The following GABRB1 variants were observed in gnomAD, a reference collection of about 807,000 sequenced individuals.
The protein encoded by GABRB1 is gamma-aminobutyric acid receptor subunit beta-1.
Under a neutral mutation model 51.6 loss-of-function variants are expected in GABRB1, and 17 were observed. The ratio of observed to expected loss-of-function variants is 0.33; its 90% CI spans 0.23 to 0.49. GABRB1 has a LOEUF of 0.49. Among genes scored for constraint, GABRB1 ranks in the 20% least tolerant of loss-of-function variants. GABRB1 has a pLI of 0.99. For synonymous variants in GABRB1, 247 were observed against 218.9 expected (o/e 1.13, Z -1.14); for missense variants, 410 against 600.6 (o/e 0.68, Z 3.32).
At chr4:47,351,389 T>C (rs1180019241) in intron 5 of GABRB1, among the ~76,000 whole-genome samples, 3 of 152,170 alleles carry the variant, frequency 2.0e-5, no homozygotes, top group Non-Finnish European at 4.4e-5. Context: ...TGTTTTTAAT[T>C]TCACCATAGA....
At chr4:47,088,648 G>A (rs1194956119) in intron 3 of GABRB1, among the ~76,000 whole-genome samples, 4 of 152,132 alleles carry the variant, frequency 2.6e-5, no homozygotes, top group African/African-American at 9.7e-5. Flanking sequence ...CATTGAGAAG[G>A]CCAGCTTACA....
At chr4:47,078,820 T>TA (rs1037708432) in intron 3 of GABRB1, among the ~76,000 whole-genome samples, 1 of 152,224 alleles carries the variant, frequency 6.6e-6, no homozygotes, top group Non-Finnish European at 1.5e-5. Flanking sequence ...CGATTTTTTT[T>TA]ATCCTCCAAT....
At position 47,269,848 on chromosome 4, in the gene GABRB1, A is replaced by G. The variant is rs575660902; in HGVS notation, c.462-50279A>G. On this transcript the variant is annotated intron_variant, in intron 4 of 8. Coordinates refer to ENST00000295454, the MANE Select transcript of GABRB1 (RefSeq NM_000812.4). ...AATTCACATAGCTAGAAGAGCCCAC[A>G]TTCTTAATTGTTACATCAAACTTAA... is the stretch of plus-strand genomic sequence containing the variant. Among the ~76,000 whole-genome samples the G allele has an allele frequency of 7.2e-4, 109 of 151,954 alleles. 3 individuals are homozygous for G. In the South Asian group the frequency reaches 0.022, roughly 30 times the overall value.
chr4:47,196,436 C>A (rs1238895657), intron 4 of GABRB1, among the ~76,000 whole-genome samples: 2 of 152,134 alleles, frequency 1.3e-5, no homozygotes, highest in African/African-American at 4.8e-5. Flanking sequence ...CTGGAATCTT[C>A]AATGCTGCCA....
intron 5 of GABRB1, among the ~76,000 whole-genome samples, chr4:47,340,415 C>T (rs911746644): frequency 2.0e-5 from 3 of 152,004 alleles, no homozygotes; most frequent in Admixed American, 6.6e-5. Context: ...AGTCCATTTG[C>T]GCTGGTATAA....
At chr4:47,281,863 G>T (rs1346633510) in intron 4 of GABRB1, among the ~76,000 whole-genome samples, 1 of 152,062 alleles carries the variant, frequency 6.6e-6, no homozygotes, top group Admixed American at 6.6e-5. Flanking sequence ...GAGTAAAAAG[G>T]TGGCTGAGTG....
chr4:47,145,805 C>T (rs1044708851), intron 3 of GABRB1, among the ~76,000 whole-genome samples: 12 of 152,062 alleles, frequency 7.9e-5, no homozygotes, highest in Admixed American at 6.6e-4. Context: ...ACCATAGCAA[C>T]TCCCAGGCTG....
At chr4:47,084,752 G>A (rs556038538) in intron 3 of GABRB1, among the ~76,000 whole-genome samples, 16 of 152,160 alleles carry the variant, frequency 1.1e-4, no homozygotes, top group African/African-American at 3.9e-4. Context: ...TCATAAACAG[G>A]GTAGCCCAGG....
intron 5 of GABRB1, among the ~76,000 whole-genome samples, chr4:47,390,394 G>A (rs1310681139): frequency 6.6e-6 from 1 of 152,188 alleles, no homozygotes; most frequent in East Asian, 1.9e-4. Flanking sequence ...TACAAGACTA[G>A]ACCATCCCCC....
chr4:47,123,315 TA>T (rs1446862889), intron 3 of GABRB1, among the ~76,000 whole-genome samples: 1 of 132,218 alleles, frequency 7.6e-6, no homozygotes, highest in Non-Finnish European at 1.6e-5. Flanking sequence ...TATTATATAA[TA>T]TTATATATAT....
At chr4:47,048,787 A>G (rs2109502975) in intron 3 of GABRB1, among the ~76,000 whole-genome samples, 1 of 152,274 alleles carries the variant, frequency 6.6e-6, no homozygotes, top group South Asian at 2.1e-4. Flanking sequence ...CTGACTTCAG[A>G]GTCAGACTTC....
chr4:47,319,259 T>TAA (rs1258210620), intron 4 of GABRB1, among the ~76,000 whole-genome samples: 1 of 152,124 alleles, frequency 6.6e-6, no homozygotes, highest in East Asian at 1.9e-4. Context: ...TATAAGTGTG[T>TAA]ATATACATAC....
At chr4:47,357,455 G>A (rs1390440888) in intron 5 of GABRB1, among the ~76,000 whole-genome samples, 1 of 152,156 alleles carries the variant, frequency 6.6e-6, no homozygotes, top group Non-Finnish European at 1.5e-5. Context: ...CACCTTGTAA[G>A]GCAGAGCCCA....
chr4:47,196,061 A>G (rs1359369228), intron 4 of GABRB1, among the ~76,000 whole-genome samples: 1 of 152,256 alleles, frequency 6.6e-6, no homozygotes, highest in African/African-American at 2.4e-5. Flanking sequence ...AATCCATGGC[A>G]TTAATGCCTA....
At chr4:47,350,407 C>T (rs538427937) in intron 5 of GABRB1, among the ~76,000 whole-genome samples, 4 of 151,408 alleles carry the variant, frequency 2.6e-5, no homozygotes, top group Admixed American at 2.0e-4. Context: ...ACAAACTCCC[C>T]TATAATGCAG....
rs144578127 is a variant in GABRB1 at position 47,033,609 on chromosome 4, C to T, written c.240+1125C>T. Among the ~76,000 whole-genome samples the T allele has an allele frequency of 3.9e-5, 6 of 152,226 alleles. 1 individual carries two copies. Among genetic ancestry groups the T allele is most frequent in the African/African-American group, 1.4e-4 (6 of 41,552 alleles). ...ATGGCTATAAAGGCTATTGAATTGT[C>T]TTTCATTTCATTCCTACTGTGTCGT... On this transcript the variant is annotated intron_variant, in intron 3 of 8. Coordinates refer to ENST00000295454, the MANE Select transcript of GABRB1 (RefSeq NM_000812.4).
In GABRB1 at chr4:47,040,649, A is replaced by G. The variant is rs550629189; in HGVS notation, c.240+8165A>G. ...ATATGTTATAAGGCACTTGGGGAAG[A>G]ATTGAGTTAGAATATTGAATATTGA... On this transcript the variant is annotated intron_variant, in intron 3 of 8. Coordinates refer to ENST00000295454, the MANE Select transcript of GABRB1 (RefSeq NM_000812.4). Among the ~76,000 whole-genome samples the G allele has an allele frequency of 1.3e-4, 20 of 152,290 alleles. 1 individual carries two copies. The highest frequency in any genetic ancestry group is 4.1e-4 in the African/African-American group (17 of 41,558).
At chr4:47,377,687 C>T (rs892108697) in intron 5 of GABRB1, among the ~76,000 whole-genome samples, 17 of 152,160 alleles carry the variant, frequency 1.1e-4, no homozygotes, top group South Asian at 2.1e-4. Flanking sequence ...TTTGACAGGG[C>T]GCTGATTGGT....
chr4:47,289,288 A>G (rs1172793151), intron 4 of GABRB1, among the ~76,000 whole-genome samples: 3 of 152,200 alleles, frequency 2.0e-5, no homozygotes, highest in Admixed American at 6.5e-5. Flanking sequence ...ATTATTTTAA[A>G]TGAACTCACT....
Sources: gnomAD v4.1 joint callset for allele counts (sites outside exome capture counted in the v4.1 genomes callset) on GRCh38, gnomAD v4.1.1 for gene constraint, MANE v1.5 for transcripts, NCBI Gene and HGNC (gene_info 2026-07-23, HGNC 2026-07-21) for gene names.